Variants in ELL observed in about 807,000 individuals in gnomAD.
The protein encoded by ELL is RNA polymerase II elongation factor ELL.
In ELL, 18 loss-of-function variants were observed where a neutral mutation model predicts 64.0. That is an observed-to-expected ratio of 0.28 (90% CI 0.19 to 0.42). The LOEUF (loss-of-function observed/expected upper bound fraction) is 0.42. Ranked by LOEUF, ELL falls within the 10% of genes least tolerant of loss-of-function variation. The pLI, the probability that ELL is intolerant of heterozygous loss-of-function variation, is 1.00. For synonymous variants in ELL, 399 were observed against 376.2 expected (o/e 1.06, Z -0.70); for missense variants, 797 against 870.4 (o/e 0.92, Z 1.06).
intron 8 of ELL, 127 bp downstream of exon 8, chr19:18,450,350 G>A (rs762627368): frequency 1.1e-4 from 156 of 1,443,594 alleles, no homozygotes; most frequent in Non-Finnish European, 1.4e-4. Context: ...ATCTGATGGG[G>A]CCTGGGGCAA....
At chr19:18,492,366 T>C (rs1467904489) in intron 1 of ELL, among the ~76,000 whole-genome samples, 1 of 152,098 alleles carries the variant, frequency 6.6e-6, no homozygotes, top group Admixed American at 6.5e-5. Flanking sequence ...TGAATTTGAG[T>C]GGGATGAAGG....
intron 1 of ELL, among the ~76,000 whole-genome samples, chr19:18,481,412 G>C (rs540027505): frequency 6.6e-6 from 1 of 152,224 alleles, no homozygotes; most frequent in Admixed American, 6.5e-5. Flanking sequence ...TGCAGGCTCA[G>C]GCACTCCCTG....
chr19:18,446,787 C>T lies in ELL; in HGVS notation c.1493G>A (p.Ser498Asn), dbSNP rs1209955571. 6.2e-7 allele frequency: 1 copy of T among 1,614,104 alleles called. No homozygotes were observed. The highest frequency in any genetic ancestry group is 1.1e-5 in the South Asian group (1 of 91,086). ...PGLNGTCSVS[S>N]VPTSTSETPD... ...CGTCTCCGACGTGGACGTGGGAACACTGGAAACGCTGCAGGTTCCGTTTAA... is the reference window on the plus strand; with the variant it reads ...CGTCTCCGACGTGGACGTGGGAACATTGGAAACGCTGCAGGTTCCGTTTAA... The change falls in exon 9 of 12, where the codon AGT (serine) becomes AAT (asparagine). Residue 498 changes from serine (S) to asparagine (N), a missense_variant. Transcript: ENST00000262809.
At chr19:18,509,806 ACC>A (rs913931134) in intron 1 of ELL, among the ~76,000 whole-genome samples, 2 of 147,502 alleles carry the variant, frequency 1.4e-5, no homozygotes, top group Non-Finnish European at 3.0e-5. Context: ...CAGCAGCTGG[ACC>A]CCCCCGCCCA....
chr19:18,518,046 C>A (rs576488060), intron 1 of ELL, among the ~76,000 whole-genome samples: 1 of 151,700 alleles, frequency 6.6e-6, no homozygotes, highest in East Asian at 1.9e-4. Flanking sequence ...CATGGTAAAA[C>A]CCCGTCTCCA....
intron 1 of ELL, among the ~76,000 whole-genome samples, 189 bp downstream of exon 1, chr19:18,521,732 C>G (rs1028401012): frequency 3.3e-5 from 5 of 152,270 alleles, no homozygotes; most frequent in African/African-American, 9.6e-5. Flanking sequence ...CCTCCTAGTG[C>G]TGAGAAGGAA....
At chr19:18,477,328 G>A (rs995377968) in intron 1 of ELL, among the ~76,000 whole-genome samples, 12 of 152,188 alleles carry the variant, frequency 7.9e-5, no homozygotes, top group Non-Finnish European at 1.5e-5. Flanking sequence ...GAAGCCTACA[G>A]GAAACGAACA....
chr19:18,452,319 G>A (rs1236627760), intron 6 of ELL, among the ~76,000 whole-genome samples: 2 of 152,192 alleles, frequency 1.3e-5, no homozygotes, highest in East Asian at 1.9e-4. Context: ...GTCCAGGGCC[G>A]TGGCCATTCT....
intron 1 of ELL, among the ~76,000 whole-genome samples, chr19:18,494,883 T>TGGA (rs1294890249): frequency 6.6e-6 from 1 of 152,150 alleles, no homozygotes. Context: ...CCTAGCCGGG[T>TGGA]GGCATCTGGA....
chr19:18,452,476 C>G (rs1357278129), intron 6 of ELL, among the ~76,000 whole-genome samples: 2 of 152,254 alleles, frequency 1.3e-5, no homozygotes, highest in Non-Finnish European at 2.9e-5. Context: ...TGAGAACAGG[C>G]ATTTGCATCC....
At chr19:18,490,867 C>A (rs1195345600) in intron 1 of ELL, among the ~76,000 whole-genome samples, 2 of 152,222 alleles carry the variant, frequency 1.3e-5, no homozygotes, top group Non-Finnish European at 2.9e-5. Context: ...TCTATCTCCA[C>A]TGGCCTGGGG....
intron 1 of ELL, among the ~76,000 whole-genome samples, chr19:18,495,705 C>T (rs1975635898): frequency 1.3e-5 from 2 of 152,182 alleles, no homozygotes; most frequent in East Asian, 3.8e-4. Context: ...GAAGCCAGTC[C>T]CCCTGCCCCC....
chr19:18,450,212 GCTCTGGGCCTCCGGCCC>G (rs1321065909), intron 8 of ELL, among the ~76,000 whole-genome samples: 1 of 152,260 alleles, frequency 6.6e-6, no homozygotes, highest in Non-Finnish European at 1.5e-5. Flanking sequence ...TCCCCACAAG[GCTCTGGGCCTCCGGCCC>G]CCAGTGCTGG....
chr19:18,442,734 T>C lies in ELL; in HGVS notation c.*2018A>G, dbSNP rs1974321133. On this transcript the variant is annotated 3_prime_UTR_variant, in exon 12 of 12. Transcript: ENST00000262809. ...CCTGTTTAGTGTACAAAAAGGACACTAGATCTTTTAAGAAAATATCAGGAA... is the reference window on the plus strand; with the variant it reads ...CCTGTTTAGTGTACAAAAAGGACACCAGATCTTTTAAGAAAATATCAGGAA... 5.0e-6 allele frequency: 1 copy of C among 198,366 alleles called. No individual in the cohort carries two copies. The highest frequency in any genetic ancestry group is 1.0e-5 in the Non-Finnish European group (1 of 96,576). 12.3% of individuals were successfully genotyped at this position (198,366 alleles called of 1,614,324 possible).
chr19:18,472,776 G>C, intron 2 of ELL, 59 bp downstream of exon 2: 1 of 1,562,246 alleles, frequency 6.4e-7, no homozygotes, highest in African/African-American at 1.4e-5. Context: ...AGCAAGGACA[G>C]ACCTGAGACT....
rs1974370731 is a variant in ELL at position 18,444,648 on chromosome 19, G to C, written c.*104C>G. On this transcript the variant is annotated 3_prime_UTR_variant, in exon 12 of 12. Transcript: ENST00000262809. ...GGCTGCCCTGAAAGCCGGCGGTGCT[G>C]GCTCAGATGAGCATCTTCCTCGGGT... The C allele has an allele frequency of 7.7e-7, 1 of 1,290,336 alleles. No individual in the cohort carries two copies. Among genetic ancestry groups the C allele is most frequent in the Non-Finnish European group, 1.1e-6 (1 of 943,008 alleles). The allele number at this position is 1,290,336 out of a possible 1,614,324, so 79.9% of individuals were successfully genotyped here. A position where few individuals can be genotyped will look rare whatever the true frequency, so the allele number is the denominator to read the frequency against.
rs62122442 is a variant in ELL at position 18,453,900 on chromosome 19, C to T, written c.870-2252G>A. ...CAACATTCCTCACAGCTACAAGTTT[C>T]CACAGATTACATGTCAGCCACACAG... is the stretch of plus-strand genomic sequence containing the variant. On this transcript the variant is annotated intron_variant, in intron 6 of 11. Coordinates refer to ENST00000262809, the MANE Select transcript of ELL (RefSeq NM_006532.4). Among the ~76,000 whole-genome samples, 1,349 of 152,280 alleles carry T rather than the reference C, an allele frequency of 8.9e-3. 15 individuals carry two copies. The highest frequency in any genetic ancestry group is 0.02 in the Middle Eastern group (6 of 294).
intron 7 of ELL, 115 bp from the exon 8 acceptor site, chr19:18,451,090 C>T: frequency 1.5e-6 from 2 of 1,362,786 alleles, no homozygotes; most frequent in Non-Finnish European, 1.9e-6. Flanking sequence ...ACGCTGGCCA[C>T]ATGGGGGCGC....
chr19:18,475,538 T>A (rs1472902774), intron 1 of ELL, among the ~76,000 whole-genome samples: 1 of 152,212 alleles, frequency 6.6e-6, no homozygotes, highest in Admixed American at 6.5e-5. Flanking sequence ...AACTTACACC[T>A]GAACATTTAT....
Sources: allele counts gnomAD v4.1 joint callset (sites outside exome capture counted in the v4.1 genomes callset), GRCh38; gene constraint gnomAD v4.1.1; transcripts MANE v1.5; gene names NCBI Gene and HGNC (gene_info 2026-07-23, HGNC 2026-07-21).